DENND4A: variants seen among roughly 807,000 people sequenced by gnomAD.
The protein encoded by DENND4A is DENN domain containing 4A, also known as C-myc promoter-binding protein.
A neutral mutation model predicts 199.3 loss-of-function variants in DENND4A; 70 were observed. The ratio of observed to expected loss-of-function variants is 0.35; its 90% CI spans 0.29 to 0.43. The LOEUF is 0.43. DENND4A is among the 20% of genes least tolerant of loss of function. The pLI is 1.00. For synonymous variants in DENND4A, 686 were observed against 766.9 expected (o/e 0.89, Z 1.74); for missense variants, 1,723 against 2,255.8 (o/e 0.76, Z 4.78).
chr15:65,695,309 T>A (rs1204131916), intron 22 of DENND4A, among the ~76,000 whole-genome samples: 1 of 152,224 alleles, frequency 6.6e-6, no homozygotes, highest in East Asian at 1.9e-4. Context: ...CAGCCAGAGA[T>A]AATACGTAAA....
At chr15:65,679,621 C>A (rs2076503071) in intron 23 of DENND4A, among the ~76,000 whole-genome samples, 1 of 151,946 alleles carries the variant, frequency 6.6e-6, no homozygotes, top group Non-Finnish European at 1.5e-5. Flanking sequence ...ACCTCCACCT[C>A]CAGAGCTCAA....
chr15:65,748,344 A>G (rs1212099394), intron 4 of DENND4A, among the ~76,000 whole-genome samples: 2 of 152,094 alleles, frequency 1.3e-5, no homozygotes, highest in African/African-American at 4.8e-5. Context: ...ACAGCTAAGC[A>G]AAGTCACTCA....
Position 65,756,409 on chromosome 15 carries a change from A to G in DENND4A, c.42T>C (p.Val14=). ...DKGPRVADYF[V]VAGLTDVSKP... is the part of the protein sequence containing the mutation. ...TTGAAACATCAGTTAATCCTGCTACAACAAAGTAGTCAGCAACACGAGGCC... is the reference window on the plus strand; with the variant it reads ...TTGAAACATCAGTTAATCCTGCTACGACAAAGTAGTCAGCAACACGAGGCC... Residue 14 remains valine (V), a synonymous_variant, in exon 3 of 33, where the codon GTT becomes GTC. Transcript: ENST00000443035. 4.3e-6 allele frequency: 7 copies of G among 1,613,248 alleles called. No homozygotes were observed. The highest frequency in any genetic ancestry group is 5.1e-6 in the Non-Finnish European group (6 of 1,179,646).
Position 65,733,049 on chromosome 15 carries a change from T to C in DENND4A, c.1041-231A>G, listed in dbSNP as rs75831704. On this transcript the variant is annotated intron_variant, in intron 7 of 32. Coordinates refer to ENST00000443035, the MANE Select transcript of DENND4A (RefSeq NM_001320835.1). ...ATAGGCATTCACATTCAACAATATTTGTTATCACTGTCTTAAAAGTCTGTT... is the reference window on the plus strand; with the variant it reads ...ATAGGCATTCACATTCAACAATATTCGTTATCACTGTCTTAAAAGTCTGTT... 4.1e-4 allele frequency among the ~76,000 whole-genome samples: 63 copies of C among 152,342 alleles called. No homozygotes were observed. The East Asian group carries it at 0.012, about 29-fold the overall frequency.
chr15:65,695,300 A>G (rs1228303397), intron 22 of DENND4A, among the ~76,000 whole-genome samples: 1 of 152,232 alleles, frequency 6.6e-6, no homozygotes, highest in Admixed American at 6.5e-5. Flanking sequence ...ATGCAAAAAC[A>G]GCCAGAGATA....
At chr15:65,686,845 C>A (rs913121218) in intron 23 of DENND4A, among the ~76,000 whole-genome samples, 6 of 151,714 alleles carry the variant, frequency 4.0e-5, no homozygotes, top group Non-Finnish European at 8.8e-5. Flanking sequence ...GTATGTGCCA[C>A]CATGGCCAGC....
At chr15:65,777,336 A>T (rs1473853192) in intron 1 of DENND4A, among the ~76,000 whole-genome samples, 1 of 151,888 alleles carries the variant, frequency 6.6e-6, no homozygotes, top group East Asian at 1.9e-4. Flanking sequence ...AAGCCAGCTT[A>T]CATTTTTTAA....
rs1443970945 is a variant in DENND4A at position 65,717,731 on chromosome 15, AG to A, written c.1807+46del. Reference sequence around the variant, plus strand: ...ACAGACAGCAAATGAATCATCACAAAGTTAAGCTCAATAACCTGAAAGCTTT... The same window carrying A: ...ACAGACAGCAAATGAATCATCACAAATTAAGCTCAATAACCTGAAAGCTTT... On this transcript the variant is annotated intron_variant, in intron 13 of 32. Coordinates refer to ENST00000443035, the MANE Select transcript of DENND4A (RefSeq NM_001320835.1). The A allele has an allele frequency of 1.2e-5, 17 of 1,448,854 alleles. No individual in the cohort carries two copies. In the African/African-American group the frequency reaches 1.3e-4, roughly 11 times the overall value. The allele number at this position is 1,448,854 out of a possible 1,614,324, so 89.7% of individuals were successfully genotyped here.
chr15:65,728,099 C>T (rs1004554951), intron 11 of DENND4A, among the ~76,000 whole-genome samples: 1 of 151,986 alleles, frequency 6.6e-6, no homozygotes, highest in Non-Finnish European at 1.5e-5. Flanking sequence ...GCCTCCGCCT[C>T]CCGGGTTCAA....
At chr15:65,731,605 T>C (rs118054556) in intron 9 of DENND4A, 37 bp downstream of exon 9, 35,210 of 1,427,082 alleles carry the variant, frequency 0.025, 535 homozygotes, top group Non-Finnish European at 0.029. Context: ...TTATGCTAGA[T>C]TGAGAGAAAA....
rs559564397 is a variant in DENND4A at position 65,753,499 on chromosome 15, C to T, written c.312-871G>A. ...TCAGCCTCCCGAGTAGCTGGGATTACAGGCGTGTGGCACCACACCTGACTA... is the reference window on the plus strand; with the variant it reads ...TCAGCCTCCCGAGTAGCTGGGATTATAGGCGTGTGGCACCACACCTGACTA... On this transcript the variant is annotated intron_variant, in intron 3 of 32. Coordinates refer to ENST00000443035, the MANE Select transcript of DENND4A (RefSeq NM_001320835.1). Among the ~76,000 whole-genome samples the T allele has an allele frequency of 6.6e-5, 10 of 152,086 alleles. No individual in the cohort carries two copies. The East Asian group carries it at 1.6e-3, about 24-fold the overall frequency.
chr15:65,711,765 A>T (rs1022541865), intron 14 of DENND4A, among the ~76,000 whole-genome samples: 5 of 152,216 alleles, frequency 3.3e-5, no homozygotes, highest in Admixed American at 6.5e-5. Flanking sequence ...TTTGATTTTT[A>T]AAAATGTCTT....
At chr15:65,743,387 G>A (rs2076308393) in intron 4 of DENND4A, among the ~76,000 whole-genome samples, 1 of 152,110 alleles carries the variant, frequency 6.6e-6, no homozygotes, top group South Asian at 2.1e-4. Context: ...TGCACAGACT[G>A]TTCCCTATAT....
intron 1 of DENND4A, among the ~76,000 whole-genome samples, chr15:65,788,297 G>C (rs549594793): frequency 5.9e-5 from 9 of 152,004 alleles, no homozygotes; most frequent in Non-Finnish European, 1.0e-4. Flanking sequence ...GGATGGTCTC[G>C]ATCTCCTGAC....
chr15:65,768,985 ACT>A (rs1443110929), intron 1 of DENND4A, among the ~76,000 whole-genome samples: 1 of 150,952 alleles, frequency 6.6e-6, no homozygotes, highest in Non-Finnish European at 1.5e-5. Flanking sequence ...CAAGAGCAAA[ACT>A]CTGTCTCAAA....
intron 4 of DENND4A, among the ~76,000 whole-genome samples, chr15:65,748,982 G>A (rs2076488877): frequency 6.9e-6 from 1 of 145,458 alleles, no homozygotes; most frequent in Non-Finnish European, 1.5e-5. Flanking sequence ...AACAGAACAA[G>A]ACCCTGTCTC....
At chr15:65,748,924 T>C (rs568734413) in intron 4 of DENND4A, among the ~76,000 whole-genome samples, 1 of 149,034 alleles carries the variant, frequency 6.7e-6, no homozygotes, top group East Asian at 2.0e-4. Context: ...GCCCAAGAGG[T>C]CGAGGCTACA....
At chr15:65,727,809 C>A in intron 11 of DENND4A, 1 of 394,060 alleles carries the variant, frequency 2.5e-6, no homozygotes, top group South Asian at 1.9e-5. Flanking sequence ...ATAAGGGACA[C>A]AAAACAATAC....
chr15:65,724,071 C>A (rs971925379), intron 11 of DENND4A, among the ~76,000 whole-genome samples: 5 of 151,588 alleles, frequency 3.3e-5, no homozygotes, highest in South Asian at 2.1e-4. Flanking sequence ...AAAAAAAAAA[C>A]CAGAGAGACA....
Sources: gnomAD v4.1 joint callset for allele counts (sites outside exome capture counted in the v4.1 genomes callset) on GRCh38, gnomAD v4.1.1 for gene constraint, MANE v1.5 for transcripts, NCBI Gene and HGNC (gene_info 2026-07-23, HGNC 2026-07-21) for gene names.